FREM1: variants seen among roughly 807,000 people sequenced by gnomAD.
FREM1 encodes the protein FRAS1 related extracellular matrix 1.
A neutral mutation model predicts 210.1 loss-of-function variants in FREM1; 220 were observed. The observed-to-expected ratio is 1.05, with a 90% CI of 0.94 to 1.17. FREM1 has a LOEUF of 1.17. Among genes scored for constraint, FREM1 ranks in the 50% most tolerant of loss-of-function variants. FREM1 has a pLI of 0.00. For synonymous variants in FREM1, 1,189 were observed against 980.2 expected (o/e 1.21, Z -3.98); for missense variants, 3,454 against 2,675.5 (o/e 1.29, Z -6.42).
chr9:14,815,810 G>A (rs911704807), intron 15 of FREM1, among the ~76,000 whole-genome samples: 1 of 152,110 alleles, frequency 6.6e-6, no homozygotes, highest in Non-Finnish European at 1.5e-5. Flanking sequence ...ACTATGCCCA[G>A]ATAATTTTTG....
intron 15 of FREM1, among the ~76,000 whole-genome samples, chr9:14,814,202 T>C (rs1340054751): frequency 2.0e-5 from 3 of 152,218 alleles, no homozygotes; most frequent in Non-Finnish European, 4.4e-5. Context: ...GCTTCTATTA[T>C]TTACTCTATT....
intron 3 of FREM1, among the ~76,000 whole-genome samples, chr9:14,861,330 C>CATATATACACAT (rs1564108630): frequency 2.4e-5 from 3 of 124,412 alleles, no homozygotes; most frequent in Admixed American, 8.1e-5. Context: ...CACATATATA[C>CATATATACACAT]ATATATACAC....
intron 1 of FREM1, among the ~76,000 whole-genome samples, chr9:14,878,973 C>T (rs970656263): frequency 2.5e-4 from 38 of 151,994 alleles, no homozygotes; most frequent in African/African-American, 8.0e-4. Context: ...CTGGCCATCA[C>T]GGTGAAACCC....
At position 14,842,309 on chromosome 9, in the gene FREM1, A is replaced by T. The variant is rs373648156; in HGVS notation, c.1738+7T>A. 64 of 1,522,724 alleles carry T rather than the reference A, an allele frequency of 4.2e-5. No individual in the cohort carries two copies. Among genetic ancestry groups the T allele is most frequent in the Non-Finnish European group, 5.7e-5 (64 of 1,120,896 alleles). The allele number at this position is 1,522,724 out of a possible 1,614,324, so 94.3% of individuals were successfully genotyped here. On this transcript the variant is annotated splice_region_variant and intron_variant, in intron 9 of 36. Transcript: ENST00000380880. ...CATTCAAATGATCTTAACTGCCCAG[A>T]ACTTACCTATCAGTCCTGGCCCTGG...
At chr9:14,774,123 T>A (rs939188917) in intron 25 of FREM1, 2 of 519,022 alleles carry the variant, frequency 3.9e-6, no homozygotes, top group South Asian at 1.4e-5. Context: ...TTCTTTGCAT[T>A]TTTTGGACCT....
chr9:14,857,432 C>A lies in FREM1; in HGVS notation c.828+121G>T, dbSNP rs570927208. Reference sequence around the variant, plus strand: ...GCCTGCAGTTCCAATGAGTCGCTGGCAGTTTTACCCCCAAAAGCACAGGAA... The same window carrying A: ...GCCTGCAGTTCCAATGAGTCGCTGGAAGTTTTACCCCCAAAAGCACAGGAA... On this transcript the variant is annotated intron_variant, in intron 5 of 36. Transcript: ENST00000380880. The A allele has an allele frequency of 1.2e-4, 106 of 852,072 alleles. 1 individual carries two copies. The Middle Eastern group carries it at 1.4e-3, about 11-fold the overall frequency. 52.8% of individuals were successfully genotyped at this position (852,072 alleles called of 1,614,324 possible). A position where few individuals can be genotyped will look rare whatever the true frequency, so the allele number is the denominator to read the frequency against.
intron 10 of FREM1, among the ~76,000 whole-genome samples, chr9:14,835,798 G>T (rs1027983413): frequency 6.6e-6 from 1 of 152,180 alleles, no homozygotes; most frequent in African/African-American, 2.4e-5. Context: ...TAAGACTAAA[G>T]TTTACTGATA....
chr9:14,891,484 G>A (rs1162359401), intron 1 of FREM1, among the ~76,000 whole-genome samples: 1 of 152,216 alleles, frequency 6.6e-6, no homozygotes, highest in East Asian at 1.9e-4. Flanking sequence ...CCTAGCAACT[G>A]GGGAGGCTGA....
At chr9:14,860,816 C>CATATATACGTATATAT (rs1554707531) in intron 3 of FREM1, among the ~76,000 whole-genome samples, 2 of 72,164 alleles carry the variant, frequency 2.8e-5, no homozygotes, top group African/African-American at 1.0e-4. Flanking sequence ...TACATATATA[C>CATATATACGTATATAT]ACATATATAC....
intron 21 of FREM1, among the ~76,000 whole-genome samples, chr9:14,793,906 C>A (rs553760329): frequency 1.3e-5 from 2 of 152,176 alleles, no homozygotes; most frequent in African/African-American, 2.4e-5. Flanking sequence ...ATTTGCACAC[C>A]TCTTTACTAG....
chr9:14,900,489 G>C (rs185781859), intron 1 of FREM1, among the ~76,000 whole-genome samples: 1 of 152,148 alleles, frequency 6.6e-6, no homozygotes, highest in African/African-American at 2.4e-5. Flanking sequence ...AGGGTGGAAC[G>C]CAGCGGTAGG....
intron 22 of FREM1, among the ~76,000 whole-genome samples, chr9:14,792,520 G>A (rs1028006204): frequency 1.3e-5 from 2 of 152,254 alleles, no homozygotes; most frequent in East Asian, 1.9e-4. Context: ...ATAATCCTAC[G>A]GGAGAGGGAG....
chr9:14,779,589 T>A, intron 24 of FREM1: 1 of 562,218 alleles, frequency 1.8e-6, no homozygotes, highest in Non-Finnish European at 2.3e-6. Flanking sequence ...CGGCCACATC[T>A]ACTCGATGCG....
intron 14 of FREM1, among the ~76,000 whole-genome samples, chr9:14,818,530 AGTGTGTGG>A (rs1414275215): frequency 2.6e-5 from 4 of 152,202 alleles, no homozygotes; most frequent in African/African-American, 9.7e-5. Context: ...GTGAGAAGTG[AGTGTGTGG>A]GTCTACCCGA....
chr9:14,747,339 T>C lies in FREM1; in HGVS notation c.5934A>G (p.Gln1978=). ...GCAGTTCTGCCACTTTGATTGTCTT[T>C]TGTGGCTGACTAATGATGGATACTT... ...KAKVSIISQP[Q]KTIKVAELPQ... Residue 1978 remains glutamine (Q), a synonymous_variant, in exon 33 of 37, where the codon CAA becomes CAG. Coordinates refer to ENST00000380880, the MANE Select transcript of FREM1 (RefSeq NM_001379081.2). 7 of 1,613,848 alleles carry C rather than the reference T, an allele frequency of 4.3e-6. No individual in the cohort carries two copies. Among genetic ancestry groups the C allele is most frequent in the African/African-American group, 1.3e-5 (1 of 75,038 alleles).
At chr9:14,857,806 T>C (rs1403363457) in intron 4 of FREM1, 57 bp from the exon 5 acceptor site, 6 of 1,277,344 alleles carry the variant, frequency 4.7e-6, no homozygotes, top group African/African-American at 1.5e-5. Context: ...TTGTAAAATT[T>C]AGAAACCAGT....
Position 14,801,657 on chromosome 9 carries a change from T to C in FREM1, c.3689A>G (p.Lys1230Arg), listed in dbSNP as rs774277427. ...PVHSFSMELL[K>R]TGMRLTYMHD... ...GGAAGTGGAACATGCTATACCAGTC[T>C]TGAGGAGTTCCATGGAAAAGCTGTG... The change falls in exon 20 of 37, where the codon AAG becomes AGG. Residue 1230 changes from lysine (K) to arginine (R), a missense_variant. By Grantham distance (26) the Lys-to-Arg change is conservative. Coordinates refer to ENST00000380880, the MANE Select transcript of FREM1 (RefSeq NM_001379081.2). 5.6e-6 allele frequency: 9 copies of C among 1,604,484 alleles called. No individual in the cohort carries two copies. Among genetic ancestry groups the C allele is most frequent in the Non-Finnish European group, 6.8e-6 (8 of 1,171,154 alleles).
intron 20 of FREM1, among the ~76,000 whole-genome samples, chr9:14,799,144 T>A (rs1853036277): frequency 6.6e-6 from 1 of 151,950 alleles, no homozygotes; most frequent in Non-Finnish European, 1.5e-5. Context: ...GCCAGTGGTA[T>A]GTGTGATGAC....
At chr9:14,789,464 A>C (rs749111829) in intron 22 of FREM1, among the ~76,000 whole-genome samples, 11 of 152,214 alleles carry the variant, frequency 7.2e-5, no homozygotes, top group Admixed American at 5.2e-4. Context: ...GGGATTCTTT[A>C]GAAATTAAAT....
Sources: allele counts gnomAD v4.1 joint callset (sites outside exome capture counted in the v4.1 genomes callset), GRCh38; gene constraint gnomAD v4.1.1; transcripts MANE v1.5; gene names NCBI Gene and HGNC (gene_info 2026-07-23, HGNC 2026-07-21).